SH3TC2: variants seen among roughly 807,000 people sequenced by gnomAD.
SH3TC2 encodes the protein SH3 domain and tetratricopeptide repeats 2, also known as SH3 domain and tetratricopeptide repeat-containing protein 2.
SH3TC2 carries 87 observed loss-of-function variants against 124.5 expected under a neutral mutation model. The ratio of observed to expected loss-of-function variants is 0.70; its 90% CI spans 0.59 to 0.84. The LOEUF (loss-of-function observed/expected upper bound fraction) is 0.84, where lower values mean the gene tolerates loss of function less well. Among genes scored for constraint, SH3TC2 ranks in the 40% least tolerant of loss-of-function variants. The pLI is 0.00. For synonymous variants in SH3TC2, 634 were observed against 628.5 expected, an observed-to-expected ratio of 1.01 and a Z score of -0.13; for missense variants, 1,536 against 1,566.4, an observed-to-expected ratio of 0.98 and a Z score of 0.33.
chr5:149,059,020 T>C (rs1008581709), intron 1 of SH3TC2, among the ~76,000 whole-genome samples: 1 of 151,998 alleles, frequency 6.6e-6, no homozygotes, highest in African/African-American at 2.4e-5. Context: ...AGTGAGGGCA[T>C]AGAGTGAATG....
chr5:149,010,293 G>A lies in SH3TC2; in HGVS notation c.3304C>T (p.His1102Tyr). Residue 1102 changes from histidine (H) to tyrosine (Y), a missense_variant, in exon 14 of 17, where the codon CAT becomes TAT. His to Tyr is a moderately conservative substitution (Grantham distance 83). Transcript: ENST00000515425. ...ACTCGGTAGTACTCCACTGCATGAT[G>A]CCTGTGGCGGGTCCCATTGAAGAAC... ...DVFFNGTRHR[H>Y]HAVEYYRAGA... 1 of 1,614,230 alleles carries A rather than the reference G, an allele frequency of 6.2e-7. No homozygotes were observed. The highest frequency in any genetic ancestry group is 8.5e-7 in the Non-Finnish European group (1 of 1,180,044).
intron 1 of SH3TC2, among the ~76,000 whole-genome samples, chr5:149,059,476 G>A (rs1415975952): frequency 6.6e-6 from 1 of 151,522 alleles, no homozygotes; most frequent in Non-Finnish European, 1.5e-5. Context: ...ACATTTATCT[G>A]CATGTTTTTT....
At chr5:149,012,955 T>C (rs1753809043) in intron 12 of SH3TC2, among the ~76,000 whole-genome samples, 1 of 152,166 alleles carries the variant, frequency 6.6e-6, no homozygotes, top group African/African-American at 2.4e-5. Context: ...AAAACAGACC[T>C]ATAATTGTGC....
chr5:149,029,811 G>A (rs1198845710), intron 9 of SH3TC2, among the ~76,000 whole-genome samples: 1 of 152,128 alleles, frequency 6.6e-6, no homozygotes, highest in Non-Finnish European at 1.5e-5. Context: ...AACCACAGTG[G>A]AACTGTGGAG....
At chr5:149,062,487 T>G in intron 1 of SH3TC2, 1 of 467,724 alleles carries the variant, frequency 2.1e-6, no homozygotes, top group Non-Finnish European at 4.4e-6. Context: ...CACTCACACA[T>G]GCACTCACAC....
intron 2 of SH3TC2, among the ~76,000 whole-genome samples, chr5:149,049,758 G>A (rs1249468926): frequency 6.6e-6 from 1 of 152,006 alleles, no homozygotes; most frequent in Non-Finnish European, 1.5e-5. Context: ...ACTCCAGCCT[G>A]GGCAACGGAG....
In SH3TC2 at chr5:148,985,703, T is replaced by C. The variant is rs1018378790; in HGVS notation, c.*19008A>G. Among the ~76,000 whole-genome samples, 5 of 152,240 alleles carry C rather than the reference T, an allele frequency of 3.3e-5. No individual in the cohort carries two copies. Among genetic ancestry groups the C allele is most frequent in the Non-Finnish European group, 7.3e-5 (5 of 68,038 alleles). On this transcript the variant is annotated 3_prime_UTR_variant, in exon 17 of 17. Coordinates refer to ENST00000515425, the MANE Select transcript of SH3TC2 (RefSeq NM_024577.4). ...AGGCTTTTGTATACATAAGTTTTCA[T>C]TTCTTTGATATAAATACCTAGGAGT...
At position 149,012,666 on chromosome 5, in the gene SH3TC2, T is replaced by C. The variant is rs1753804193; in HGVS notation, c.3122A>G (p.Asp1041Gly). 1 of 1,614,214 alleles carries C rather than the reference T, an allele frequency of 6.2e-7. No homozygotes were observed. The highest frequency in any genetic ancestry group is 1.1e-5 in the South Asian group (1 of 91,080). The change falls in exon 13 of 17, where the codon GAC becomes GGC. Residue 1041 changes from aspartate to glycine, a missense_variant. By Grantham distance (94) the Asp-to-Gly change is moderately conservative (BLOSUM62 -1). This residue lies in a region of SH3TC2 where 426 missense variants were observed against 443.5 expected (regional missense o/e 0.96). Coordinates refer to ENST00000515425, the MANE Select transcript of SH3TC2 (RefSeq NM_024577.4). ...CCCAAGCCAGGCCTCAGCAGCCTTG[T>C]CTGTCTCCCCCAGGTCAATGAAGAT... is the stretch of plus-strand genomic sequence containing the variant. ...LRIFIDLGETDKAAEAWLGAG... is the reference protein window; with the variant it reads ...LRIFIDLGETGKAAEAWLGAG...
At chr5:149,056,518 TATA>T (rs1754650795) in intron 1 of SH3TC2, among the ~76,000 whole-genome samples, 1 of 152,192 alleles carries the variant, frequency 6.6e-6, no homozygotes, top group South Asian at 2.1e-4. Context: ...AGCTGAATTT[TATA>T]ATATTCCTGG....
At chr5:149,032,820 A>G (rs2127398846) in intron 8 of SH3TC2, among the ~76,000 whole-genome samples, 1 of 152,272 alleles carries the variant, frequency 6.6e-6, no homozygotes, top group Middle Eastern at 3.4e-3. Flanking sequence ...GTAGTTTGAA[A>G]GCCCATGATG....
At position 148,998,081 on chromosome 5, in the gene SH3TC2, G is replaced by T. The variant is rs1026198314; in HGVS notation, c.*6630C>A. Among the ~76,000 whole-genome samples, 6 of 152,046 alleles carry T rather than the reference G, an allele frequency of 3.9e-5. No homozygotes were observed. The highest frequency in any genetic ancestry group is 1.4e-4 in the African/African-American group (6 of 41,388). ...AGGTTAATGAGTGAGAAATTCATTTGGTGAGTCATAAATTTGATATTTTTT... is the reference window on the plus strand; with the variant it reads ...AGGTTAATGAGTGAGAAATTCATTTTGTGAGTCATAAATTTGATATTTTTT... On this transcript the variant is annotated 3_prime_UTR_variant, in exon 17 of 17. Transcript: ENST00000515425.
In SH3TC2 at chr5:149,012,670, T is replaced by C; in HGVS notation, c.3118A>G (p.Thr1040Ala). The C allele has an allele frequency of 6.2e-7, 1 of 1,614,078 alleles. No homozygotes were observed. Among genetic ancestry groups the C allele is most frequent in the Non-Finnish European group, 8.5e-7 (1 of 1,180,016 alleles). ...SLRIFIDLGE[T>A]DKAAEAWLGA... is the part of the protein sequence containing the mutation. ...AGCCAGGCCTCAGCAGCCTTGTCTG[T>C]CTCCCCCAGGTCAATGAAGATACGC... Residue 1040 changes from threonine to alanine, a missense_variant, in exon 13 of 17, where the codon ACA becomes GCA. By Grantham distance (58) the Thr-to-Ala change is moderately conservative. This residue lies in a region of SH3TC2 where 426 missense variants were observed against 443.5 expected (regional missense o/e 0.96). Coordinates refer to ENST00000515425, the MANE Select transcript of SH3TC2 (RefSeq NM_024577.4).
At chr5:149,005,900 C>G (rs951466726) in intron 16 of SH3TC2, among the ~76,000 whole-genome samples, 23 of 152,110 alleles carry the variant, frequency 1.5e-4, no homozygotes, top group Non-Finnish European at 7.3e-5. Context: ...ATCCTAGGGA[C>G]ACAGTTTGGG....
At position 148,982,317 on chromosome 5, in the gene SH3TC2, T is replaced by G. The variant is rs1276053304; in HGVS notation, c.*22394A>C. 6.6e-6 allele frequency among the ~76,000 whole-genome samples: 1 copy of G among 152,224 alleles called. No individual in the cohort carries two copies. Among genetic ancestry groups the G allele is most frequent in the African/African-American group, 2.4e-5 (1 of 41,464 alleles). On this transcript the variant is annotated 3_prime_UTR_variant, in exon 17 of 17. Coordinates refer to ENST00000515425, the MANE Select transcript of SH3TC2 (RefSeq NM_024577.4). ...GGAGAATACATTGACAAGAGCATCA[T>G]GAAGGGCCATTCAGCGTCTATCAAA...
Position 148,998,861 on chromosome 5 carries a change from G to A in SH3TC2, c.*5850C>T, listed in dbSNP as rs1321946174. 2.0e-5 allele frequency among the ~76,000 whole-genome samples: 3 copies of A among 152,188 alleles called. No individual in the cohort carries two copies. The highest frequency in any genetic ancestry group is 4.8e-5 in the African/African-American group (2 of 41,462). On this transcript the variant is annotated 3_prime_UTR_variant, in exon 17 of 17. Transcript: ENST00000515425. ...AATAATCAGACAGAGTTGGGAGAGT[G>A]AGGGGGTACATATCAGGAAATATAT...
At position 148,986,559 on chromosome 5, in the gene SH3TC2, CT is replaced by C. The variant is rs1307893086; in HGVS notation, c.*18151del. 1.3e-5 allele frequency among the ~76,000 whole-genome samples: 2 copies of C among 152,218 alleles called. No homozygotes were observed. Among genetic ancestry groups the C allele is most frequent in the Non-Finnish European group, 2.9e-5 (2 of 68,046 alleles). ...GTAGCAACCTCCATCAACTACATTG[CT>C]TAGAATGCAGTAAGTTCTTAATAAA... On this transcript the variant is annotated 3_prime_UTR_variant, in exon 17 of 17. Coordinates refer to ENST00000515425, the MANE Select transcript of SH3TC2 (RefSeq NM_024577.4).
In SH3TC2 at chr5:148,994,664, T is replaced by C. The variant is rs1753476815; in HGVS notation, c.*10047A>G. Among the ~76,000 whole-genome samples the C allele has an allele frequency of 6.9e-6, 1 of 144,222 alleles. No individual in the cohort carries two copies. Among genetic ancestry groups the C allele is most frequent in the Admixed American group, 6.9e-5 (1 of 14,390 alleles). 94.6% of individuals were successfully genotyped at this position (144,222 alleles called of 152,430 possible). On this transcript the variant is annotated 3_prime_UTR_variant, in exon 17 of 17. Transcript: ENST00000515425. ...GTTGGTTGGTTGGTTGGTTGGTTAATTGGCTGGTTGGATAAATGAATGGAT... is the reference window on the plus strand; with the variant it reads ...GTTGGTTGGTTGGTTGGTTGGTTAACTGGCTGGTTGGATAAATGAATGGAT...
chr5:148,987,272 G>A lies in SH3TC2; in HGVS notation c.*17439C>T, dbSNP rs924848696. Among the ~76,000 whole-genome samples the A allele has an allele frequency of 2.8e-4, 42 of 152,182 alleles. No homozygotes were observed. The highest frequency in any genetic ancestry group is 2.6e-3 in the Admixed American group (39 of 15,278). ...AAGATTGGTTCTATCTGTCACCATT[G>A]GGAATGTTCAGGAATATTCTCATTG... On this transcript the variant is annotated 3_prime_UTR_variant, in exon 17 of 17. Coordinates refer to ENST00000515425, the MANE Select transcript of SH3TC2 (RefSeq NM_024577.4).
At position 149,001,060 on chromosome 5, in the gene SH3TC2, G is replaced by C. The variant is rs1482827210; in HGVS notation, c.*3651C>G. 6.6e-6 allele frequency among the ~76,000 whole-genome samples: 1 copy of C among 151,966 alleles called. No individual in the cohort carries two copies. Among genetic ancestry groups the C allele is most frequent in the Non-Finnish European group, 1.5e-5 (1 of 67,988 alleles). On this transcript the variant is annotated 3_prime_UTR_variant, in exon 17 of 17. Coordinates refer to ENST00000515425, the MANE Select transcript of SH3TC2 (RefSeq NM_024577.4). Reference sequence around the variant, plus strand: ...AAATACAGGTTCCCTTTAGTGATAGGCTTCCTGATCCCTCATCCTAACACC... The same window carrying C: ...AAATACAGGTTCCCTTTAGTGATAGCCTTCCTGATCCCTCATCCTAACACC...
Sources: gnomAD v4.1 joint callset for allele counts (sites outside exome capture counted in the v4.1 genomes callset) on GRCh38, gnomAD v4.1.1 for gene constraint, gnomAD v4.1.1 regional missense constraint, MANE v1.5 for transcripts, NCBI Gene and HGNC (gene_info 2026-07-23, HGNC 2026-07-21) for gene names.